DNAH8: variants seen among roughly 807,000 people sequenced by gnomAD.
DNAH8 encodes dynein axonemal heavy chain 8.
In DNAH8, 382 loss-of-function variants were observed where a neutral mutation model predicts 562.1. The ratio of observed to expected loss-of-function variants is 0.68; its 90% CI spans 0.63 to 0.74. The LOEUF (loss-of-function observed/expected upper bound fraction) is 0.74. Among genes scored for constraint, DNAH8 ranks in the 30% least tolerant of loss-of-function variants. The pLI is 0.00. For missense variants in DNAH8, 5,203 were observed against 5,620.4 expected (o/e 0.93, Z 2.37); for synonymous variants, 1,881 against 1,919.4 (o/e 0.98, Z 0.52).
chr6:38,715,948 A>ATTTT (rs1282494098), intron 1 of DNAH8, among the ~76,000 whole-genome samples: 2 of 28,206 alleles, frequency 7.1e-5, no homozygotes, highest in Admixed American at 4.0e-4. Context: ...ATATATATAT[A>ATTTT]TATATATATA....
At chr6:38,967,449 A>G (rs1763049352) in intron 82 of DNAH8, among the ~76,000 whole-genome samples, 1 of 152,198 alleles carries the variant, frequency 6.6e-6, no homozygotes, top group African/African-American at 2.4e-5. Flanking sequence ...AGGATACAAG[A>G]TCAATATTTA....
rs1157729211 is a variant in DNAH8, at chr6:38,929,630, A to G, written c.11238A>G (p.Leu3746=). ...EELDPALDNV[L]EKNFIKSGTT... is the part of the protein sequence containing the mutation. The stretch of plus-strand genomic sequence containing the variant: ...TGGATCCAGCCTTGGATAATGTATT[A>G]GAAAAGAATTTTATTAAATCTGGCA... Residue 3746 remains leucine (L), a synonymous_variant, in exon 75 of 93, where the codon TTA becomes TTG. Transcript: ENST00000327475. The G allele has an allele frequency of 6.3e-7, 1 of 1,595,864 alleles. No homozygotes were observed. Among genetic ancestry groups the G allele is most frequent in the South Asian group, 1.1e-5 (1 of 86,986 alleles).
chr6:38,719,348 T>TACCC (rs1762575669), intron 1 of DNAH8, among the ~76,000 whole-genome samples: 2 of 152,338 alleles, frequency 1.3e-5, no homozygotes, highest in Admixed American at 1.3e-4. Flanking sequence ...GTGAGCATAG[T>TACCC]ACCCAATAGG....
At chr6:38,846,619 C>T (rs945534525) in intron 36 of DNAH8, among the ~76,000 whole-genome samples, 37 of 152,242 alleles carry the variant, frequency 2.4e-4, no homozygotes, top group African/African-American at 8.4e-4. Flanking sequence ...TCAAGGTCCT[C>T]GGATGCATCC....
chr6:38,832,407 T>C lies in DNAH8; in HGVS notation c.4274T>C (p.Val1425Ala). ...TCTGTGGAAGTTTTTCGTGAGGACG[T>C]GATAAACTTTGCAGAAGCATATGAA... ...LESVEVFRED[V>A]INFAEAYELE... Residue 1425 changes from valine (V) to alanine (A), a missense_variant, in exon 31 of 93, where the codon GTG becomes GCG. This residue lies in a region of DNAH8 where 2,176 missense variants were observed against 2,365.1 expected (regional missense o/e 0.92). Coordinates refer to ENST00000327475, the MANE Select transcript of DNAH8 (RefSeq NM_001206927.2). The C allele has an allele frequency of 6.2e-7, 1 of 1,611,280 alleles. No homozygotes were observed. Among genetic ancestry groups the C allele is most frequent in the Non-Finnish European group, 8.5e-7 (1 of 1,177,590 alleles).
chr6:38,842,903 G>A lies in DNAH8; in HGVS notation c.4845G>A (p.Glu1615=). 6.2e-7 allele frequency: 1 copy of A among 1,613,214 alleles called. No individual in the cohort carries two copies. The highest frequency in any genetic ancestry group is 8.5e-7 in the Non-Finnish European group (1 of 1,179,570). The change falls in exon 35 of 93, where the codon GAG becomes GAA. Residue 1615 remains glutamate, a splice_region_variant and synonymous_variant. Transcript: ENST00000327475. ...APLLKHKDDI[E]DICISAIKEK... ...TCCTTAAACATAAGGATGATATTGAGGTACATAAGTGTATACGTTCTTATC... is the reference window on the plus strand; with the variant it reads ...TCCTTAAACATAAGGATGATATTGAAGTACATAAGTGTATACGTTCTTATC...
At chr6:38,777,507 A>G (rs1244394716) in intron 13 of DNAH8, among the ~76,000 whole-genome samples, 2 of 152,208 alleles carry the variant, frequency 1.3e-5, no homozygotes, top group African/African-American at 2.4e-5. Flanking sequence ...AATATGATCT[A>G]TACATACAAA....
intron 76 of DNAH8, among the ~76,000 whole-genome samples, chr6:38,934,049 T>C (rs1782759176): frequency 2.0e-5 from 3 of 152,144 alleles, no homozygotes; most frequent in African/African-American, 7.2e-5. Flanking sequence ...TACTGATAGA[T>C]TGTGATACAA....
intron 37 of DNAH8, 29 bp from the exon 38 acceptor site, chr6:38,850,222 A>G (rs1182312685): frequency 6.2e-7 from 1 of 1,602,298 alleles, no homozygotes. Flanking sequence ...CCAAATGCTA[A>G]TCTTTACTGG....
At chr6:38,868,224 C>A in intron 48 of DNAH8, 28 bp downstream of exon 48, 1 of 1,585,122 alleles carries the variant, frequency 6.3e-7, no homozygotes, top group Non-Finnish European at 8.6e-7. Context: ...TCTTCTTTTC[C>A]ACAATTTTAA....
At position 39,030,427 on chromosome 6, in the gene DNAH8, C is replaced by T; in HGVS notation, c.*35C>T. On this transcript the variant is annotated 3_prime_UTR_variant, in exon 93 of 93. Transcript: ENST00000327475. ...CATCTGCTCAGGGCACCAGAACCCA[C>T]ATAGACAGCCTGTGCTATTGAGGGA... 1 of 1,582,620 alleles carries T rather than the reference C, an allele frequency of 6.3e-7. No homozygotes were observed. Among genetic ancestry groups the T allele is most frequent in the Non-Finnish European group, 8.6e-7 (1 of 1,158,870 alleles).
chr6:38,979,125 C>A (rs749617104), intron 85 of DNAH8, among the ~76,000 whole-genome samples: 1 of 152,224 alleles, frequency 6.6e-6, no homozygotes, highest in African/African-American at 2.4e-5. Flanking sequence ...TTGCTCATGG[C>A]CTTTGCCAAG....
chr6:38,997,104 C>G (rs938832500), intron 88 of DNAH8, among the ~76,000 whole-genome samples: 1 of 152,158 alleles, frequency 6.6e-6, no homozygotes, highest in Admixed American at 6.5e-5. Flanking sequence ...TCCCCTTTCC[C>G]CAGCATGTCT....
At chr6:39,026,248 C>T (rs1472576614) in intron 91 of DNAH8, among the ~76,000 whole-genome samples, 1 of 152,212 alleles carries the variant, frequency 6.6e-6, no homozygotes, top group Non-Finnish European at 1.5e-5. Context: ...AATTGGGTTA[C>T]AAGCCTTTAA....
chr6:38,954,396 G>T (rs942778914), intron 82 of DNAH8, among the ~76,000 whole-genome samples: 7 of 151,978 alleles, frequency 4.6e-5, no homozygotes, highest in Non-Finnish European at 8.8e-5. Context: ...ATAAGAGAAT[G>T]GCTCATAATT....
Position 38,938,207 on chromosome 6 carries a change from T to C in DNAH8, c.11797T>C (p.Phe3933Leu). The change falls in exon 78 of 93, where the codon TTT becomes CTT. Residue 3933 changes from phenylalanine to leucine, a missense_variant. Physicochemically the swap from Phe to Leu is conservative, Grantham distance 22. This residue lies in a region of DNAH8 where 1,399 missense variants were observed against 1,518.4 expected (regional missense o/e 0.92). Coordinates refer to ENST00000327475, the MANE Select transcript of DNAH8 (RefSeq NM_001206927.2). ...GTCATTGGCCCAGTTCTTGAAGTTA[T>C]TTGACCAGTCCATGGCCAGGTGAGT... ...QTSLAQFLKL[F>L]DQSMARSEKS... The C allele has an allele frequency of 6.2e-7, 1 of 1,612,894 alleles. No individual in the cohort carries two copies. The highest frequency in any genetic ancestry group is 8.5e-7 in the Non-Finnish European group (1 of 1,179,600).
intron 88 of DNAH8, among the ~76,000 whole-genome samples, chr6:38,994,917 T>A (rs963118673): frequency 1.3e-5 from 2 of 152,184 alleles, no homozygotes; most frequent in African/African-American, 4.8e-5. Flanking sequence ...TCCTTTAACA[T>A]AGAATTTCCT....
intron 3 of DNAH8, among the ~76,000 whole-genome samples, chr6:38,725,045 G>A (rs1763093499): frequency 6.6e-6 from 1 of 152,026 alleles, no homozygotes; most frequent in Admixed American, 6.5e-5. Flanking sequence ...GCTCACACCT[G>A]TAATCCAAGC....
intron 82 of DNAH8, among the ~76,000 whole-genome samples, chr6:38,965,151 T>A (rs1279222243): frequency 6.6e-6 from 1 of 151,956 alleles, no homozygotes; most frequent in African/African-American, 2.4e-5. Flanking sequence ...TACATTTTAA[T>A]ATAGATAGGT....
Sources: allele counts gnomAD v4.1 joint callset (sites outside exome capture counted in the v4.1 genomes callset), GRCh38; gene constraint gnomAD v4.1.1; regional missense constraint gnomAD v4.1.1; transcripts MANE v1.5; gene names NCBI Gene and HGNC (gene_info 2026-07-23, HGNC 2026-07-21).